The following COG5 variants were observed in gnomAD, a reference collection of about 807,000 sequenced individuals.
COG5 encodes the protein conserved oligomeric Golgi complex subunit 5.
Under a neutral mutation model 110.4 loss-of-function variants are expected in COG5, and 86 were observed. That is an observed-to-expected ratio of 0.78 (90% CI 0.65 to 0.93). The LOEUF (loss-of-function observed/expected upper bound fraction) is 0.93. COG5 is among the 40% of genes least tolerant of loss of function. COG5 has a pLI of 0.00. For synonymous variants in COG5, 360 were observed against 334.6 expected (o/e 1.08, Z -0.83); for missense variants, 1,077 against 987.0 (o/e 1.09, Z -1.22).
At chr7:107,220,780 T>C (rs1404655769) in intron 19 of COG5, among the ~76,000 whole-genome samples, 1 of 151,980 alleles carries the variant, frequency 6.6e-6, no homozygotes, top group Non-Finnish European at 1.5e-5. Flanking sequence ...AAAGGGGACT[T>C]TGAGGGATGC....
intron 7 of COG5, among the ~76,000 whole-genome samples, chr7:107,386,461 CG>C (rs1196115874): frequency 2.6e-5 from 4 of 152,004 alleles, no homozygotes; most frequent in Non-Finnish European, 4.4e-5. Context: ...AGGAACGCTG[CG>C]GAGGAAGCAC....
chr7:107,215,743 C>T (rs1447486176), intron 19 of COG5, among the ~76,000 whole-genome samples: 8 of 149,548 alleles, frequency 5.3e-5, no homozygotes, highest in Admixed American at 2.0e-4. Context: ...TTTTTTGAGA[C>T]GGAGTCTTGC....
At chr7:107,434,968 T>A (rs1794276022) in intron 6 of COG5, among the ~76,000 whole-genome samples, 2 of 150,002 alleles carry the variant, frequency 1.3e-5, no homozygotes, top group Non-Finnish European at 3.0e-5. Context: ...AGACTCCGTC[T>A]TAAAAAAAAA....
chr7:107,498,738 T>C (rs1213130924), intron 6 of COG5, among the ~76,000 whole-genome samples: 1 of 152,196 alleles, frequency 6.6e-6, no homozygotes, highest in African/African-American at 2.4e-5. Flanking sequence ...AGTATGGTGA[T>C]TCCTCAAAGA....
rs34741713 is a variant in COG5, at chr7:107,476,184, T to TAAAAAAAAAAAA, written c.538+51041_538+51052dup. On this transcript the variant is annotated intron_variant, in intron 6 of 21. Coordinates refer to ENST00000297135, the MANE Select transcript of COG5 (RefSeq NM_006348.5). ...CTGGATTAATATAGTGCAATGATTT[T>TAAAAAAAAAAAA]AAAAAAAAAAAAAAAAAAAAAAAGA... Among the ~76,000 whole-genome samples, 5 of 44,046 alleles carry TAAAAAAAAAAAA rather than the reference T, an allele frequency of 1.1e-4. 1 individual carries two copies. Among genetic ancestry groups the TAAAAAAAAAAAA allele is most frequent in the African/African-American group, 3.0e-4 (3 of 9,874 alleles). 28.9% of individuals were successfully genotyped at this position (44,046 alleles called of 152,430 possible).
intron 11 of COG5, among the ~76,000 whole-genome samples, chr7:107,301,806 T>C (rs897121784): frequency 4.6e-5 from 7 of 151,878 alleles, no homozygotes; most frequent in Admixed American, 4.6e-4. Context: ...GAGGTGGAGG[T>C]TGCAGTAAGC....
chr7:107,286,748 G>A (rs1805665104), intron 12 of COG5, among the ~76,000 whole-genome samples: 1 of 151,816 alleles, frequency 6.6e-6, no homozygotes, highest in Non-Finnish European at 1.5e-5. Context: ...TCTATTCTCT[G>A]TGACTTTCTT....
chr7:107,363,641 C>T (rs1050696144), intron 8 of COG5, among the ~76,000 whole-genome samples: 1 of 151,996 alleles, frequency 6.6e-6, no homozygotes, highest in Non-Finnish European at 1.5e-5. Context: ...CAAAGAGTAT[C>T]GATGGATACC....
At chr7:107,459,745 G>T (rs1158720282) in intron 6 of COG5, among the ~76,000 whole-genome samples, 3 of 150,936 alleles carry the variant, frequency 2.0e-5, no homozygotes, top group Non-Finnish European at 2.9e-5. Context: ...GCAGTGAGCT[G>T]TGATAGCACC....
intron 7 of COG5, among the ~76,000 whole-genome samples, chr7:107,399,885 T>C (rs1251424478): frequency 6.6e-6 from 1 of 152,142 alleles, no homozygotes; most frequent in Non-Finnish European, 1.5e-5. Flanking sequence ...CCCACTAAAA[T>C]GGCTAAAATT....
chr7:107,236,708 C>A, intron 17 of COG5, 21 bp from the exon 18 acceptor site: 1 of 1,484,770 alleles, frequency 6.7e-7, no homozygotes, highest in Non-Finnish European at 9.4e-7. Context: ...AAAAGCAGCC[C>A]TTTTCAGCAC....
chr7:107,260,075 G>GATATATATATAT lies in COG5; in HGVS notation c.1576-1704_1576-1693dup, dbSNP rs143875588. On this transcript the variant is annotated intron_variant, in intron 14 of 21. Coordinates refer to ENST00000297135, the MANE Select transcript of COG5 (RefSeq NM_006348.5). The stretch of plus-strand genomic sequence containing the variant: ...GTGACACAGCAGTTCAACTCCTAGT[G>GATATATATATAT]ATATATATATATATATATGAAATAA... Among the ~76,000 whole-genome samples, 76 of 131,552 alleles carry GATATATATATAT rather than the reference G, an allele frequency of 5.8e-4. 1 individual carries two copies. Among genetic ancestry groups the GATATATATATAT allele is most frequent in the Middle Eastern group, 8.1e-3 (2 of 246 alleles). 86.3% of individuals were successfully genotyped at this position (131,552 alleles called of 152,430 possible).
chr7:107,389,862 A>C (rs968171234), intron 7 of COG5, among the ~76,000 whole-genome samples: 3 of 152,140 alleles, frequency 2.0e-5, no homozygotes, highest in African/African-American at 7.2e-5. Context: ...GGCATGCGAC[A>C]TATCATAATT....
At chr7:107,236,863 T>A (rs550610004) in intron 17 of COG5, among the ~76,000 whole-genome samples, 176 bp from the exon 18 acceptor site, 2 of 152,326 alleles carry the variant, frequency 1.3e-5, no homozygotes, top group African/African-American at 4.8e-5. Context: ...TGTTTAAAAA[T>A]TACATTTCAA....
intron 7 of COG5, 114 bp downstream of exon 7, chr7:107,412,388 T>C (rs978919090): frequency 3.0e-5 from 28 of 944,674 alleles, no homozygotes; most frequent in Admixed American, 1.8e-4. Flanking sequence ...GTAGACATAC[T>C]TTCTCAGTGA....
intron 8 of COG5, among the ~76,000 whole-genome samples, chr7:107,365,978 C>G (rs1813579260): frequency 6.6e-6 from 1 of 152,008 alleles, no homozygotes; most frequent in Admixed American, 6.6e-5. Flanking sequence ...GATGAATAAT[C>G]ATCAGAAACA....
chr7:107,224,644 A>C (rs1231354008), intron 19 of COG5, among the ~76,000 whole-genome samples: 1 of 152,236 alleles, frequency 6.6e-6, no homozygotes, highest in Non-Finnish European at 1.5e-5. Context: ...ACAAAGATCT[A>C]TACTGACAAT....
In COG5 at chr7:107,475,216, G is replaced by A. The variant is rs1378740850; in HGVS notation, c.538+52021C>T. ...CTTGAAAAGTAAAATGAAAAAGCGA[G>A]TTGTTTCTATAGTAGAAGCTGATCC... is the stretch of plus-strand genomic sequence containing the variant. On this transcript the variant is annotated intron_variant, in intron 6 of 21. Coordinates refer to ENST00000297135, the MANE Select transcript of COG5 (RefSeq NM_006348.5). 2.5e-6 allele frequency: 4 copies of A among 1,611,792 alleles called. No individual in the cohort carries two copies. The African/African-American group carries it at 4.0e-5, about 16-fold the overall frequency.
intron 6 of COG5, chr7:107,475,436 C>A: frequency 1.5e-6 from 1 of 671,572 alleles, no homozygotes; most frequent in Non-Finnish European, 2.5e-6. Flanking sequence ...GATATTACTG[C>A]CAAATATAAG....
Sources: gnomAD v4.1 joint callset for allele counts (sites outside exome capture counted in the v4.1 genomes callset) on GRCh38, gnomAD v4.1.1 for gene constraint, MANE v1.5 for transcripts, NCBI Gene and HGNC (gene_info 2026-07-23, HGNC 2026-07-21) for gene names.